Variants in ASPH observed in about 807,000 individuals in gnomAD.
The protein encoded by ASPH is aspartate beta-hydroxylase.
ASPH carries 100 observed loss-of-function variants against 118.4 expected under a neutral mutation model. The observed-to-expected ratio is 0.84, with a 90% CI of 0.72 to 1.00. The LOEUF is 1.00. Among genes scored for constraint, ASPH ranks in the 50% least tolerant of loss-of-function variants. ASPH has a pLI of 0.00. For synonymous variants in ASPH, 315 were observed against 325.6 expected, an observed-to-expected ratio of 0.97 and a Z score of 0.35; for missense variants, 920 against 919.5, an observed-to-expected ratio of 1.00 and a Z score of -0.01.
At chr8:61,712,550 T>C (rs1021725304) in intron 1 of ASPH, among the ~76,000 whole-genome samples, 4 of 152,250 alleles carry the variant, frequency 2.6e-5, no homozygotes, top group African/African-American at 9.6e-5. Context: ...GTCTGTTTCA[T>C]GACTATTAGA....
intron 3 of ASPH, chr8:61,663,956 T>C: frequency 1.1e-6 from 1 of 877,432 alleles, no homozygotes; most frequent in Non-Finnish European, 1.4e-6. Flanking sequence ...AAAAATCTCG[T>C]TTTTAAGATC....
At chr8:61,698,184 G>C (rs923285426) in intron 1 of ASPH, among the ~76,000 whole-genome samples, 1 of 152,200 alleles carries the variant, frequency 6.6e-6, no homozygotes, top group East Asian at 1.9e-4. Context: ...AGAGACTCCA[G>C]GGCTGCCACA....
intron 22 of ASPH, among the ~76,000 whole-genome samples, chr8:61,521,768 T>C (rs952282464): frequency 2.0e-5 from 3 of 152,310 alleles, no homozygotes; most frequent in South Asian, 2.1e-4. Context: ...CCAATGCAAA[T>C]CTGGAAGAAT....
In ASPH at chr8:61,578,767, T is replaced by A. The variant is rs189230529; in HGVS notation, c.1063-1909A>T. 1.3e-5 allele frequency: 20 copies of A among 1,587,632 alleles called. No homozygotes were observed. The African/African-American group carries it at 2.3e-4, about 18-fold the overall frequency. On this transcript the variant is annotated intron_variant, in intron 15 of 24. Coordinates refer to ENST00000379454, the MANE Select transcript of ASPH (RefSeq NM_004318.4). ...TTCAAGAACAAGTATGAGGATGAGATCAATAAGCATACAGAGATGGAGAAT... is the reference window on the plus strand; with the variant it reads ...TTCAAGAACAAGTATGAGGATGAGAACAATAAGCATACAGAGATGGAGAAT...
intron 24 of ASPH, among the ~76,000 whole-genome samples, chr8:61,507,811 C>T (rs577803179): frequency 6.6e-6 from 1 of 152,168 alleles, no homozygotes. Flanking sequence ...AAGTTACACT[C>T]GAATTACGAC....
chr8:61,557,382 C>A (rs1402630523), intron 18 of ASPH, among the ~76,000 whole-genome samples: 1 of 152,164 alleles, frequency 6.6e-6, no homozygotes, highest in South Asian at 2.1e-4. Context: ...TGCTGCTCCA[C>A]AGCAAGCCAA....
At chr8:61,524,274 G>A (rs1935820278) in intron 22 of ASPH, among the ~76,000 whole-genome samples, 1 of 151,704 alleles carries the variant, frequency 6.6e-6, no homozygotes, top group African/African-American at 2.4e-5. Flanking sequence ...TGTAACTGTA[G>A]GTCAGTGCAT....
chr8:61,678,504 G>A (rs1014178461), intron 3 of ASPH, among the ~76,000 whole-genome samples: 4 of 152,028 alleles, frequency 2.6e-5, no homozygotes, highest in African/African-American at 7.2e-5. Flanking sequence ...ATGATGGTTA[G>A]GGGTCTTGAT....
chr8:61,584,810 G>A lies in ASPH; in HGVS notation c.977-781C>T, dbSNP rs182953795. ...AGGCATGAGCCACTGTGCCCAACCT[G>A]TGCCATTTCTTATGCTACCTCATTT... On this transcript the variant is annotated intron_variant, in intron 14 of 24. Transcript: ENST00000379454. Among the ~76,000 whole-genome samples the A allele has an allele frequency of 6.6e-3, 1,004 of 151,834 alleles. 3 individuals are homozygous for A. Among genetic ancestry groups the A allele is most frequent in the Middle Eastern group, 0.017 (5 of 294 alleles).
chr8:61,613,713 G>A (rs1026072725), intron 14 of ASPH, among the ~76,000 whole-genome samples: 1 of 152,164 alleles, frequency 6.6e-6, no homozygotes, highest in East Asian at 1.9e-4. Flanking sequence ...AAAGGGAAGT[G>A]GAGCGATTAG....
intron 21 of ASPH, among the ~76,000 whole-genome samples, chr8:61,530,244 G>A (rs746361834): frequency 1.3e-5 from 2 of 152,144 alleles, no homozygotes; most frequent in African/African-American, 2.4e-5. Context: ...GAAACTAATT[G>A]CATCAGTATT....
At chr8:61,633,140 A>G (rs1856312371) in intron 13 of ASPH, 1 of 155,238 alleles carries the variant, frequency 6.4e-6, no homozygotes, top group African/African-American at 2.4e-5. Flanking sequence ...AACTGGTGAC[A>G]AGAGGGCTCA....
chr8:61,653,892 T>A (rs936725959), intron 3 of ASPH, among the ~76,000 whole-genome samples: 3 of 152,200 alleles, frequency 2.0e-5, no homozygotes, highest in African/African-American at 7.2e-5. Flanking sequence ...TAAAACAAAA[T>A]CATTGTTTAA....
intron 3 of ASPH, chr8:61,657,316 A>G (rs2151205185): frequency 1.3e-5 from 2 of 152,326 alleles, no homozygotes; most frequent in East Asian, 3.9e-4. Flanking sequence ...GAATGTGTGG[A>G]AATACATGTT....
rs371062092 is a variant in ASPH, at chr8:61,671,602, T to C, written c.322+9366A>G. On this transcript the variant is annotated intron_variant, in intron 3 of 24. Coordinates refer to ENST00000379454, the MANE Select transcript of ASPH (RefSeq NM_004318.4). ...AACTGCCATGCTATTTATTTTCTTT[T>C]CGTCCTTTTATACTTATTTTGATGT... Among the ~76,000 whole-genome samples, 32 of 152,366 alleles carry C rather than the reference T, an allele frequency of 2.1e-4. No individual in the cohort carries two copies. The East Asian group carries it at 5.4e-3, about 26-fold the overall frequency.
At chr8:61,572,783 A>C (rs1833861211) in intron 16 of ASPH, among the ~76,000 whole-genome samples, 1 of 152,138 alleles carries the variant, frequency 6.6e-6, no homozygotes, top group Admixed American at 6.5e-5. Context: ...CAAACTTTAC[A>C]AAAAACAACC....
Position 61,542,054 on chromosome 8 carries a change from A to T in ASPH, c.1764+6017T>A, listed in dbSNP as rs1420578558. ...TTTCATTCCTTTGTGGTCAGTAAAC[A>T]TGCTTTGTATGATTTCAGTGCTTCT... On this transcript the variant is annotated intron_variant, in intron 21 of 24. Transcript: ENST00000379454. Among the ~76,000 whole-genome samples, 4 of 152,202 alleles carry T rather than the reference A, an allele frequency of 2.6e-5. No individual in the cohort carries two copies. The East Asian group carries it at 7.7e-4, about 29-fold the overall frequency.
intron 18 of ASPH, among the ~76,000 whole-genome samples, chr8:61,559,001 AT>A (rs1563813478): frequency 6.6e-6 from 1 of 151,664 alleles, no homozygotes; most frequent in Non-Finnish European, 1.5e-5. Context: ...TAGCAAATAT[AT>A]TTTCTCTTCC....
intron 14 of ASPH, among the ~76,000 whole-genome samples, chr8:61,588,057 C>A (rs1032030782): frequency 6.6e-6 from 1 of 152,124 alleles, no homozygotes; most frequent in Non-Finnish European, 1.5e-5. Flanking sequence ...AAATTATGTT[C>A]ATAATCTTTT....
Sources: allele counts gnomAD v4.1 joint callset (sites outside exome capture counted in the v4.1 genomes callset), GRCh38; gene constraint gnomAD v4.1.1; transcripts MANE v1.5; gene names NCBI Gene and HGNC (gene_info 2026-07-23, HGNC 2026-07-21).